The following CD33 variants were observed in gnomAD, a reference collection of about 807,000 sequenced individuals.
CD33 encodes CD33 molecule, also known as myeloid cell surface antigen CD33.
Under a neutral mutation model 31.4 loss-of-function variants are expected in CD33, and 25 were observed. The ratio of observed to expected loss-of-function variants is 0.80; its 90% CI spans 0.58 to 1.11. CD33 has a LOEUF of 1.11. CD33 is among the 50% of genes most tolerant of loss of function. CD33 has a pLI of 0.00. For missense variants in CD33, 407 were observed against 448.1 expected, an observed-to-expected ratio of 0.91 and a Z score of 0.83; for synonymous variants, 176 against 180.6, an observed-to-expected ratio of 0.97 and a Z score of 0.20.
upstream of CD33, among the ~76,000 whole-genome samples, chr19:51,220,880 TA>T (rs1980658235): frequency 1.3e-5 from 2 of 152,106 alleles, no homozygotes; most frequent in South Asian, 4.1e-4. Flanking sequence ...TATTATACCA[TA>T]AAAGACACTG....
At position 51,225,143 on chromosome 19, in the gene CD33, C is replaced by A; in HGVS notation, c.25C>A (p.Leu9Met). 6.2e-7 allele frequency: 1 copy of A among 1,614,066 alleles called. No individual in the cohort carries two copies. The highest frequency in any genetic ancestry group is 1.1e-5 in the South Asian group (1 of 91,084). Residue 9 changes from leucine to methionine, a missense_variant, in exon 1 of 7, where the codon CTG becomes ATG. Physicochemically the swap from Leu to Met is conservative, Grantham distance 15. Transcript: ENST00000262262. MPLLLLLP[L>M]LWAGALAMDP... ...CATGCCGCTGCTGCTACTGCTGCCCCTGCTGTGGGCAGGTGAGTGGCTGTG... is the reference window on the plus strand; with the variant it reads ...CATGCCGCTGCTGCTACTGCTGCCCATGCTGTGGGCAGGTGAGTGGCTGTG...
Position 51,225,203 on chromosome 19 carries a change from C to T in CD33, c.38-15C>T, listed in dbSNP as rs1487793507. Reference sequence around the variant, plus strand: ...GTTGTCGGGCTGGGCCGAGCTGACCCTCGTTTCCCCACAGGGGCCCTGGCT... The same window carrying T: ...GTTGTCGGGCTGGGCCGAGCTGACCTTCGTTTCCCCACAGGGGCCCTGGCT... On this transcript the variant is annotated splice_polypyrimidine_tract_variant and intron_variant, in intron 1 of 6. Transcript: ENST00000262262. The T allele has an allele frequency of 6.2e-7, 1 of 1,613,232 alleles. No homozygotes were observed. The highest frequency in any genetic ancestry group is 1.3e-5 in the African/African-American group (1 of 75,036).
At chr19:51,235,031 G>A in intron 4 of CD33, 126 bp from the exon 5 acceptor site, 2 of 684,846 alleles carry the variant, frequency 2.9e-6, no homozygotes, top group Admixed American at 2.3e-5. Context: ...TCTATGATGG[G>A]TGGGAAGATC....
chr19:51,215,830 G>C, the CD33 span, among the ~76,000 whole-genome samples: 1 of 152,014 alleles, frequency 6.6e-6, no homozygotes, highest in Non-Finnish European at 1.5e-5. Flanking sequence ...CCTGACCTTG[G>C]TCATGCCTGG....
chr19:51,227,367 C>T (rs1981109840), intron 4 of CD33, among the ~76,000 whole-genome samples: 1 of 152,196 alleles, frequency 6.6e-6, no homozygotes. Context: ...TTCTCTACAT[C>T]CTCACCATCA....
At position 51,225,379 on chromosome 19, in the gene CD33, A is replaced by G. The variant is rs746818326; in HGVS notation, c.199A>G (p.Ile67Val). 23 of 1,614,156 alleles carry G rather than the reference A, an allele frequency of 1.4e-5. 1 individual carries two copies. The highest frequency in any genetic ancestry group is 3.3e-5 in the Admixed American group (2 of 60,026). Residue 67 changes from isoleucine to valine, a missense_variant, in exon 2 of 7, where the codon ATA becomes GTA. By Grantham distance (29) the Ile-to-Val change is conservative. Transcript: ENST00000262262. ...TTACTGGTTCCGGGAAGGAGCCATT[A>G]TATCCAGGGACTCTCCAGTGGCCAC... is the stretch of plus-strand genomic sequence containing the variant. ...HGYWFREGAI[I>V]SRDSPVATNK...
At chr19:51,235,114 T>C in intron 4 of CD33, 43 bp from the exon 5 acceptor site, 1 of 1,516,590 alleles carries the variant, frequency 6.6e-7, no homozygotes, top group Admixed American at 1.7e-5. Flanking sequence ...CACATACCTG[T>C]TTATCTAGAT....
At chr19:51,225,003 C>T (rs1366897446), upstream of CD33, 3 of 1,299,884 alleles carry the variant, frequency 2.3e-6, no homozygotes, top group East Asian at 7.4e-5. Context: ...CTCTTCCATG[C>T]AGGGCTGAGG....
intron 4 of CD33, among the ~76,000 whole-genome samples, chr19:51,231,268 C>T (rs1322609140): frequency 2.0e-5 from 3 of 152,232 alleles, no homozygotes; most frequent in Non-Finnish European, 2.9e-5. Flanking sequence ...AGTGTGGGCT[C>T]CCAGAGCTCG....
At chr19:51,216,223 AGTGTGTGTGTGTGTGTGT>A in the CD33 span, among the ~76,000 whole-genome samples, 1 of 128,406 alleles carries the variant, frequency 7.8e-6, no homozygotes, top group Non-Finnish European at 1.7e-5. Context: ...ATGTCACCCG[AGTGTGTGTGTGTGTGTGT>A]GTGTGTGTGT....
Position 51,226,318 on chromosome 19 carries a change from A to G in CD33, c.707A>G (p.Gln236Arg), listed in dbSNP as rs1411857946. Reference sequence around the variant, plus strand: ...TCTCTTCCTCTCCTAGATGTTCCACAGAACCCAACAACTGGTATCTTTCCA... The same window carrying G: ...TCTCTTCCTCTCCTAGATGTTCCACGGAACCCAACAACTGGTATCTTTCCA... Reference protein sequence around the residue: ...TIQLNVTYVPQNPTTGIFPGD... With the variant: ...TIQLNVTYVPRNPTTGIFPGD... The change falls in exon 4 of 7, where the codon CAG (glutamine) becomes CGG (arginine). Residue 236 changes from glutamine (Q) to arginine (R), a missense_variant. Transcript: ENST00000262262. 2.5e-6 allele frequency: 4 copies of G among 1,613,998 alleles called. No homozygotes were observed. The highest frequency in any genetic ancestry group is 1.1e-5 in the South Asian group (1 of 91,078).
chr19:51,234,608 C>T (rs887177844), intron 4 of CD33, among the ~76,000 whole-genome samples: 2 of 152,116 alleles, frequency 1.3e-5, no homozygotes, highest in African/African-American at 2.4e-5. Context: ...CAATGATGCT[C>T]AGAGACACGC....
rs1981729088 is a variant in CD33 at position 51,235,606 on chromosome 19, A to G, written c.854A>G (p.His285Arg). 6.2e-7 allele frequency: 1 copy of G among 1,613,682 alleles called. No homozygotes were observed. Among genetic ancestry groups the G allele is most frequent in the African/African-American group, 1.3e-5 (1 of 74,886 alleles). Reference sequence around the variant, plus strand: ...GTGTCTCCCATCAGAGTGAAGACCCACAGGAGGAAAGCAGCCAGGACAGCA... The same window carrying G: ...GTGTCTCCCATCAGAGTGAAGACCCGCAGGAGGAAAGCAGCCAGGACAGCA... The part of the protein sequence containing the change: ...LCLIFFIVKT[H>R]RRKAARTAVG... Residue 285 changes from histidine (H) to arginine (R), a missense_variant, in exon 6 of 7, where the codon CAC becomes CGC. Transcript: ENST00000262262.
At chr19:51,221,193 A>G (rs1980672129), upstream of CD33, among the ~76,000 whole-genome samples, 2 of 152,272 alleles carry the variant, frequency 1.3e-5, no homozygotes, top group Admixed American at 6.5e-5. Flanking sequence ...CACAGCCTGC[A>G]GAACTGTGAG....
intron 5 of CD33, 123 bp from the exon 6 acceptor site, chr19:51,235,472 C>T: frequency 6.9e-7 from 1 of 1,459,656 alleles, no homozygotes; most frequent in African/African-American, 1.4e-5. Flanking sequence ...GTGACTAAGT[C>T]TTGTTTGAGG....
At position 51,239,979 on chromosome 19, in the gene CD33, CT is replaced by C. The variant is rs1184776173; in HGVS notation, c.*292del. On this transcript the variant is annotated 3_prime_UTR_variant, in exon 7 of 7. Coordinates refer to ENST00000262262, the MANE Select transcript of CD33 (RefSeq NM_001772.4). ...TAAGAAGTCCTATCTCATAGGGATG[CT>C]GTGAGCATTAAATAAAGGTACACAT... 2.2e-5 allele frequency: 5 copies of C among 230,770 alleles called. No individual in the cohort carries two copies. The highest frequency in any genetic ancestry group is 4.2e-5 in the Non-Finnish European group (5 of 120,158). The allele number at this position is 230,770 out of a possible 1,614,324, so 14.3% of individuals were successfully genotyped here.
the CD33 span, chr19:51,211,657 G>A: frequency 1.7e-6 from 2 of 1,163,868 alleles, no homozygotes; most frequent in African/African-American, 3.1e-5. Context: ...GCTTGGGATG[G>A]GACCCATGTC....
chr19:51,239,377 A>T, intron 6 of CD33, 141 bp from the exon 7 acceptor site: 1 of 588,404 alleles, frequency 1.7e-6, no homozygotes, highest in South Asian at 2.8e-5. Context: ...GTAGAGCCTT[A>T]ATTAATTAAC....
upstream of CD33, among the ~76,000 whole-genome samples, chr19:51,224,042 A>AT (rs918586265): frequency 8.5e-5 from 13 of 152,318 alleles, no homozygotes; most frequent in East Asian, 2.5e-3. Context: ...AGAAACACGA[A>AT]TGGTGGCTCA....
Sources: allele counts gnomAD v4.1 joint callset (sites outside exome capture counted in the v4.1 genomes callset), GRCh38; gene constraint gnomAD v4.1.1; transcripts MANE v1.5; gene names NCBI Gene and HGNC (gene_info 2026-07-23, HGNC 2026-07-21).